ANKMY2: variants seen among roughly 807,000 people sequenced by gnomAD.
The protein encoded by ANKMY2 is ankyrin repeat and MYND domain containing 2.
Under a neutral mutation model 50.4 loss-of-function variants are expected in ANKMY2, and 36 were observed. That is an observed-to-expected ratio of 0.71 (90% confidence interval 0.55 to 0.94). The LOEUF (loss-of-function observed/expected upper bound fraction) is 0.94. Among genes scored for constraint, ANKMY2 ranks in the 40% least tolerant of loss-of-function variants. The pLI, the probability that ANKMY2 is intolerant of heterozygous loss-of-function variation, is 0.00. For missense variants in ANKMY2, 565 were observed against 524.0 expected, an observed-to-expected ratio of 1.08 and a Z score of -0.76; for synonymous variants, 187 against 178.8, an observed-to-expected ratio of 1.05 and a Z score of -0.36.
Position 16,601,617 on chromosome 7 carries a change from T to C in ANKMY2, c.1142-672A>G, listed in dbSNP as rs115560529. Among the ~76,000 whole-genome samples the C allele has an allele frequency of 4.4e-3, 671 of 152,374 alleles. 6 individuals are homozygous for C. Among genetic ancestry groups the C allele is most frequent in the African/African-American group, 0.016 (650 of 41,590 alleles). ...ACCATTTAATTCCACTGAGAGTATA[T>C]CTCAACCCAGTAGTAAAGCGGATAT... On this transcript the variant is annotated intron_variant, in intron 9 of 9. Transcript: ENST00000306999.
At chr7:16,634,636 A>G (rs762413402) in intron 2 of ANKMY2, among the ~76,000 whole-genome samples, 7 of 152,224 alleles carry the variant, frequency 4.6e-5, no homozygotes, top group Non-Finnish European at 1.0e-4. Context: ...ACTAGCTGAC[A>G]GCATTACAAG....
At chr7:16,629,264 A>G (rs997868943) in intron 2 of ANKMY2, among the ~76,000 whole-genome samples, 2 of 152,224 alleles carry the variant, frequency 1.3e-5, no homozygotes, top group Non-Finnish European at 2.9e-5. Flanking sequence ...GGCCAGGCAC[A>G]GTGGCTCACG....
intron 7 of ANKMY2, among the ~76,000 whole-genome samples, chr7:16,609,339 T>C (rs1016418398): frequency 2.0e-5 from 3 of 152,208 alleles, no homozygotes; most frequent in African/African-American, 4.8e-5. Context: ...TGTGTACCTA[T>C]ATTACATAGT....
In ANKMY2 at chr7:16,600,721, G is replaced by T. The variant is rs1029955105; in HGVS notation, c.*40C>A. 1.5e-5 allele frequency: 23 copies of T among 1,515,206 alleles called. No homozygotes were observed. In the African/African-American group the frequency reaches 2.5e-4, roughly 17 times the overall value. 93.9% of individuals were successfully genotyped at this position (1,515,206 alleles called of 1,614,324 possible). On this transcript the variant is annotated 3_prime_UTR_variant, in exon 10 of 10. Transcript: ENST00000306999. Reference sequence around the variant, plus strand: ...ATTCCTAGGAGTTTTCCAGCTTCTTGCAGGGTGAGGATCATCCACACTGGC... The same window carrying T: ...ATTCCTAGGAGTTTTCCAGCTTCTTTCAGGGTGAGGATCATCCACACTGGC...
intron 4 of ANKMY2, among the ~76,000 whole-genome samples, chr7:16,622,358 G>A (rs1781447407): frequency 6.6e-6 from 1 of 152,138 alleles, no homozygotes; most frequent in Non-Finnish European, 1.5e-5. Flanking sequence ...CTATCAGAGT[G>A]GCAAAAATCA....
intron 3 of ANKMY2, among the ~76,000 whole-genome samples, 192 bp downstream of exon 3, chr7:16,626,848 A>T (rs1366732326): frequency 6.6e-6 from 1 of 152,234 alleles, no homozygotes; most frequent in Non-Finnish European, 1.5e-5. Context: ...ATAACAAAAG[A>T]AACAAATCAC....
At chr7:16,603,417 T>C (rs184043473) in intron 8 of ANKMY2, 2 of 328,880 alleles carry the variant, frequency 6.1e-6, no homozygotes, top group Admixed American at 7.6e-5. Flanking sequence ...GGAGAAAATA[T>C]CTAGTACAAA....
chr7:16,641,971 C>A (rs532829062), intron 1 of ANKMY2, among the ~76,000 whole-genome samples: 1 of 152,018 alleles, frequency 6.6e-6, no homozygotes, highest in Admixed American at 6.6e-5. Context: ...TTATGTTGAT[C>A]TTACTGATGG....
chr7:16,601,314 A>G (rs145736260), intron 9 of ANKMY2, among the ~76,000 whole-genome samples: 2 of 152,352 alleles, frequency 1.3e-5, no homozygotes, highest in Non-Finnish European at 2.9e-5. Flanking sequence ...TCCCTTGTCT[A>G]TAATATGCAG....
At chr7:16,606,600 T>G (rs1251902509) in intron 7 of ANKMY2, among the ~76,000 whole-genome samples, 1 of 152,216 alleles carries the variant, frequency 6.6e-6, no homozygotes, top group Non-Finnish European at 1.5e-5. Context: ...ATTTTGACAC[T>G]CTTTATAATT....
At chr7:16,608,191 G>A (rs997799320) in intron 7 of ANKMY2, among the ~76,000 whole-genome samples, 1 of 152,162 alleles carries the variant, frequency 6.6e-6, no homozygotes, top group Non-Finnish European at 1.5e-5. Flanking sequence ...ATGTATATGT[G>A]AATACATAAA....
chr7:16,635,107 C>A (rs1781637734), intron 2 of ANKMY2, among the ~76,000 whole-genome samples: 1 of 151,986 alleles, frequency 6.6e-6, no homozygotes, highest in Non-Finnish European at 1.5e-5. Context: ...CTGGAAACAA[C>A]CCAAAACTCT....
chr7:16,645,026 C>T (rs1781811210), intron 1 of ANKMY2, among the ~76,000 whole-genome samples: 1 of 152,108 alleles, frequency 6.6e-6, no homozygotes, highest in Non-Finnish European at 1.5e-5. Flanking sequence ...TATGAAGAAC[C>T]CCTCTCCCTA....
At chr7:16,614,395 A>C (rs948088735) in intron 5 of ANKMY2, among the ~76,000 whole-genome samples, 2 of 152,186 alleles carry the variant, frequency 1.3e-5, no homozygotes, top group Non-Finnish European at 2.9e-5. Context: ...TATTAAGAAA[A>C]ACTCTGAGTT....
At chr7:16,633,614 T>C (rs567496649) in intron 2 of ANKMY2, among the ~76,000 whole-genome samples, 3 of 152,216 alleles carry the variant, frequency 2.0e-5, no homozygotes, top group Non-Finnish European at 4.4e-5. Context: ...TCTTTTCGAA[T>C]GTATTATACT....
At chr7:16,627,934 A>T (rs536241350) in intron 2 of ANKMY2, among the ~76,000 whole-genome samples, 74 of 129,968 alleles carry the variant, frequency 5.7e-4, no homozygotes, top group Admixed American at 8.5e-4. Flanking sequence ...GTTTGGTCAA[A>T]TCACACATAT....
chr7:16,615,243 G>GC (rs1425774917), intron 5 of ANKMY2, among the ~76,000 whole-genome samples: 3 of 152,124 alleles, frequency 2.0e-5, no homozygotes, highest in African/African-American at 7.2e-5. Flanking sequence ...TGCTGTTAGT[G>GC]CCCCCACATA....
intron 4 of ANKMY2, among the ~76,000 whole-genome samples, chr7:16,623,298 T>C (rs1048430984): frequency 4.6e-5 from 7 of 152,164 alleles, no homozygotes; most frequent in African/African-American, 2.4e-5. Context: ...CAGTTAAATA[T>C]ATTAAAATGG....
intron 4 of ANKMY2, among the ~76,000 whole-genome samples, chr7:16,620,252 T>C (rs987512074): frequency 6.6e-6 from 1 of 152,106 alleles, no homozygotes; most frequent in African/African-American, 2.4e-5. Context: ...TGAAGATAGA[T>C]GACAGGCAAA....
Sources: gnomAD v4.1 joint callset for allele counts (sites outside exome capture counted in the v4.1 genomes callset) on GRCh38, gnomAD v4.1.1 for gene constraint, MANE v1.5 for transcripts, NCBI Gene and HGNC (gene_info 2026-07-23, HGNC 2026-07-21) for gene names.